Variants in PARD3B observed in about 807,000 individuals in gnomAD.
The protein encoded by PARD3B is par-3 family cell polarity regulator beta, also known as partitioning defective 3 homolog B.
In PARD3B, 103 loss-of-function variants were observed where a neutral mutation model predicts 130.2. The observed-to-expected ratio is 0.79, with a 90% confidence interval of 0.67 to 0.93. PARD3B has a LOEUF of 0.93. Ranked by LOEUF, PARD3B falls within the 40% of genes least tolerant of loss-of-function variation. The pLI is 0.00. For synonymous variants in PARD3B, 583 were observed against 553.2 expected (o/e 1.05, Z -0.76); for missense variants, 1,609 against 1,499.2 (o/e 1.07, Z -1.21).
intron 19 of PARD3B, among the ~76,000 whole-genome samples, chr2:205,428,357 G>T (rs931064263): frequency 2.6e-5 from 4 of 152,038 alleles, no homozygotes; most frequent in African/African-American, 9.7e-5. Flanking sequence ...TCCTGCCTGG[G>T]CAACAGAACC....
chr2:205,270,491 C>G (rs377377283), intron 16 of PARD3B, among the ~76,000 whole-genome samples: 1 of 151,618 alleles, frequency 6.6e-6, no homozygotes, highest in African/African-American at 2.4e-5. Context: ...CGCTTGAACC[C>G]GGGAGGCGGA....
chr2:205,239,775 A>G (rs2125911239), intron 15 of PARD3B, among the ~76,000 whole-genome samples: 1 of 152,318 alleles, frequency 6.6e-6, no homozygotes. Flanking sequence ...GATATTGGAA[A>G]AAAATTTCAG....
At chr2:205,003,097 C>T (rs1014105510) in intron 3 of PARD3B, among the ~76,000 whole-genome samples, 1 of 152,338 alleles carries the variant, frequency 6.6e-6, no homozygotes, top group South Asian at 2.1e-4. Context: ...CACCTGCATT[C>T]CTTGGCTCCT....
intron 2 of PARD3B, among the ~76,000 whole-genome samples, chr2:204,945,878 T>A (rs1480323279): frequency 6.8e-6 from 1 of 147,680 alleles, no homozygotes; most frequent in Non-Finnish European, 1.5e-5. Flanking sequence ...TCAAAACACA[T>A]CCTGCTAGTT....
chr2:205,611,035 A>T (rs1448158591), intron 22 of PARD3B, among the ~76,000 whole-genome samples: 1 of 152,232 alleles, frequency 6.6e-6, no homozygotes, highest in Non-Finnish European at 1.5e-5. Flanking sequence ...TTAGATATGT[A>T]AGACTCAGTT....
intron 1 of PARD3B, among the ~76,000 whole-genome samples, chr2:204,679,218 C>T (rs1356428514): frequency 1.3e-5 from 2 of 152,058 alleles, no homozygotes; most frequent in East Asian, 3.8e-4. Flanking sequence ...GAGCTATTTC[C>T]AGATTTTTAG....
intron 20 of PARD3B, among the ~76,000 whole-genome samples, chr2:205,487,020 G>A (rs888088): frequency 0.91 from 137,893 of 152,260 alleles, 63,126 homozygotes; most frequent in Non-Finnish European, 0.98. Context: ...AGAATACTGC[G>A]TATATAATTC....
Position 205,285,830 on chromosome 2 carries a change from C to T in PARD3B, c.2186-14700C>T, listed in dbSNP as rs149325055. Among the ~76,000 whole-genome samples the T allele has an allele frequency of 8.3e-4, 126 of 152,218 alleles. 1 individual carries two copies. The highest frequency in any genetic ancestry group is 2.6e-3 in the African/African-American group (109 of 41,518). ...TGCATTTTGACCTTCATGTAGATTGCTTGTTCCTTGAGAGCAGGTGTTCAC... is the reference window on the plus strand; with the variant it reads ...TGCATTTTGACCTTCATGTAGATTGTTTGTTCCTTGAGAGCAGGTGTTCAC... On this transcript the variant is annotated intron_variant, in intron 16 of 22. Coordinates refer to ENST00000406610, the MANE Select transcript of PARD3B (RefSeq NM_001302769.2).
At chr2:204,652,128 T>C (rs1349511344) in intron 1 of PARD3B, among the ~76,000 whole-genome samples, 1 of 152,320 alleles carries the variant, frequency 6.6e-6, no homozygotes, top group East Asian at 1.9e-4. Context: ...AACATTAGGC[T>C]CTTCTTTACT....
chr2:205,393,894 T>A (rs1164772775), intron 18 of PARD3B, among the ~76,000 whole-genome samples: 1 of 152,158 alleles, frequency 6.6e-6, no homozygotes, highest in Non-Finnish European at 1.5e-5. Flanking sequence ...ATGTCATCAT[T>A]ACTTAGAAAA....
intron 2 of PARD3B, among the ~76,000 whole-genome samples, chr2:204,891,732 C>G (rs181667445): frequency 1.3e-5 from 2 of 152,256 alleles, no homozygotes; most frequent in East Asian, 3.9e-4. Flanking sequence ...CATTTGCCAG[C>G]TAATATTCAG....
chr2:205,549,101 G>A (rs2052505456), intron 21 of PARD3B, among the ~76,000 whole-genome samples: 1 of 152,014 alleles, frequency 6.6e-6, no homozygotes, highest in Admixed American at 6.6e-5. Context: ...GGCTACAATT[G>A]GGAACACTGA....
At chr2:204,551,798 T>C (rs1279855350) in intron 1 of PARD3B, among the ~76,000 whole-genome samples, 1 of 152,138 alleles carries the variant, frequency 6.6e-6, no homozygotes, top group Non-Finnish European at 1.5e-5. Flanking sequence ...GTTGGGCAAA[T>C]GGTAATGTTG....
At chr2:205,175,403 C>T (rs573577146) in intron 12 of PARD3B, among the ~76,000 whole-genome samples, 3 of 152,296 alleles carry the variant, frequency 2.0e-5, no homozygotes, top group Non-Finnish European at 4.4e-5. Flanking sequence ...TGACAAAAAG[C>T]TAAAGGACCT....
chr2:204,746,492 T>A (rs2040234755), intron 2 of PARD3B, among the ~76,000 whole-genome samples: 1 of 152,136 alleles, frequency 6.6e-6, no homozygotes, highest in Non-Finnish European at 1.5e-5. Context: ...TTTGGGTATA[T>A]ACCCAGTAAT....
intron 2 of PARD3B, among the ~76,000 whole-genome samples, chr2:204,784,849 A>G (rs946578047): frequency 1.8e-4 from 27 of 152,322 alleles, no homozygotes; most frequent in Admixed American, 8.5e-4. Context: ...TTTTTCATCA[A>G]TGATTTAACA....
chr2:205,007,859 G>T (rs1173752664), intron 3 of PARD3B, among the ~76,000 whole-genome samples: 1 of 151,942 alleles, frequency 6.6e-6, no homozygotes, highest in Non-Finnish European at 1.5e-5. Flanking sequence ...CGAAATCTAT[G>T]ATTTTTTTTA....
chr2:205,039,112 G>GT (rs912985572), intron 3 of PARD3B, among the ~76,000 whole-genome samples: 3 of 151,776 alleles, frequency 2.0e-5, no homozygotes, highest in African/African-American at 4.8e-5. Flanking sequence ...GTGTTGTGCA[G>GT]TTTTTTTGGC....
At chr2:205,054,701 A>G (rs1699525392) in intron 4 of PARD3B, among the ~76,000 whole-genome samples, 1 of 151,728 alleles carries the variant, frequency 6.6e-6, no homozygotes, top group Non-Finnish European at 1.5e-5. Context: ...ATGTCAAAAT[A>G]AATTGACTAA....
Sources: gnomAD v4.1 joint callset for allele counts (sites outside exome capture counted in the v4.1 genomes callset) on GRCh38, gnomAD v4.1.1 for gene constraint, MANE v1.5 for transcripts, NCBI Gene and HGNC (gene_info 2026-07-23, HGNC 2026-07-21) for gene names.